XYLT1: variants seen among roughly 807,000 people sequenced by gnomAD.
The protein encoded by XYLT1 is beta-D-xylosyltransferase 1.
XYLT1 carries 36 observed loss-of-function variants against 91.3 expected under a neutral mutation model. That is an observed-to-expected ratio of 0.39 (90% confidence interval 0.30 to 0.52). The LOEUF (loss-of-function observed/expected upper bound fraction) is 0.52, where lower values mean the gene tolerates loss of function less well. XYLT1 is among the 20% of genes least tolerant of loss of function. XYLT1 has a pLI of 0.68. For missense variants in XYLT1, 1,242 were observed against 1,284.5 expected (o/e 0.97, Z 0.51); for synonymous variants, 588 against 532.0 (o/e 1.11, Z -1.45).
chr16:17,191,041 T>C (rs951329983), intron 5 of XYLT1, among the ~76,000 whole-genome samples: 3 of 152,216 alleles, frequency 2.0e-5, no homozygotes, highest in Admixed American at 2.0e-4. Flanking sequence ...TGTTCTGTTT[T>C]GTTTTTTTGT....
chr16:17,379,759 T>TCACA (rs1489816883), intron 1 of XYLT1, among the ~76,000 whole-genome samples: 32 of 117,980 alleles, frequency 2.7e-4, no homozygotes, highest in African/African-American at 8.2e-4. Context: ...TCTCTCTCTC[T>TCACA]CTCTCACACA....
Position 17,237,606 on chromosome 16 carries a change from A to G in XYLT1, c.913+21382T>C, listed in dbSNP as rs573363573. ...GTGGCAAAAGGTCTCTTCCTTCCTG[A>G]GAGACGCAGCGGTGTAATTAGAATC... On this transcript the variant is annotated intron_variant, in intron 3 of 11. Transcript: ENST00000261381. Among the ~76,000 whole-genome samples, 26 of 152,344 alleles carry G rather than the reference A, an allele frequency of 1.7e-4. No homozygotes were observed. The South Asian group carries it at 5.2e-3, about 30-fold the overall frequency.
At chr16:17,269,043 T>C (rs764818919) in intron 2 of XYLT1, among the ~76,000 whole-genome samples, 79 of 152,204 alleles carry the variant, frequency 5.2e-4, no homozygotes, top group Non-Finnish European at 9.7e-4. Flanking sequence ...GGAGGAAGAA[T>C]GACCTGCTGT....
intron 3 of XYLT1, among the ~76,000 whole-genome samples, chr16:17,202,810 G>A (rs1170854731): frequency 1.3e-5 from 2 of 151,050 alleles, no homozygotes; most frequent in African/African-American, 4.9e-5. Flanking sequence ...GGCTATTTTG[G>A]CCTTGTTTAC....
chr16:17,405,612 C>A (rs1291136352), intron 1 of XYLT1, among the ~76,000 whole-genome samples: 1 of 152,182 alleles, frequency 6.6e-6, no homozygotes, highest in Non-Finnish European at 1.5e-5. Context: ...CAGTCTGATG[C>A]AAGAACTGAA....
intron 5 of XYLT1, among the ~76,000 whole-genome samples, chr16:17,171,993 A>T (rs1458982433): frequency 6.6e-6 from 1 of 152,088 alleles, no homozygotes; most frequent in African/African-American, 2.4e-5. Flanking sequence ...GCAGATGACA[A>T]TTTTTCTGAA....
chr16:17,283,808 G>A (rs777436327), intron 2 of XYLT1, among the ~76,000 whole-genome samples: 8 of 152,132 alleles, frequency 5.3e-5, no homozygotes, highest in Non-Finnish European at 1.0e-4. Context: ...ACATAGGGGC[G>A]GGGTGTGATG....
At chr16:17,452,436 C>T (rs553963773) in intron 1 of XYLT1, among the ~76,000 whole-genome samples, 26 of 151,886 alleles carry the variant, frequency 1.7e-4, no homozygotes, top group African/African-American at 6.0e-4. Flanking sequence ...CCATCCCAGC[C>T]TCAATTATTT....
rs1266403580 is a variant in XYLT1, at chr16:17,266,549, G to C, written c.403-7051C>G. 5.3e-5 allele frequency among the ~76,000 whole-genome samples: 8 copies of C among 152,212 alleles called. No homozygotes were observed. The East Asian group carries it at 1.5e-3, about 29-fold the overall frequency. ...AGGAGCCAGGATTTGAACCCAGGCT[G>C]TCTAGGTCTGGAGGTCATGCCTTTC... On this transcript the variant is annotated intron_variant, in intron 2 of 11. Transcript: ENST00000261381.
intron 2 of XYLT1, among the ~76,000 whole-genome samples, chr16:17,336,081 G>A (rs2036543175): frequency 6.6e-6 from 1 of 152,214 alleles, no homozygotes; most frequent in Non-Finnish European, 1.5e-5. Context: ...GGTGTCCCAG[G>A]TGTGTGCACA....
chr16:17,324,502 A>C (rs1596482396), intron 2 of XYLT1, among the ~76,000 whole-genome samples: 1 of 152,242 alleles, frequency 6.6e-6, no homozygotes, highest in Non-Finnish European at 1.5e-5. Flanking sequence ...TAAAACAAAA[A>C]AAGAAGCATT....
chr16:17,297,504 G>A (rs1304010839), intron 2 of XYLT1, among the ~76,000 whole-genome samples: 1 of 152,020 alleles, frequency 6.6e-6, no homozygotes, highest in Non-Finnish European at 1.5e-5. Context: ...CTTGAGGCCA[G>A]CGGTTCAAGA....
intron 1 of XYLT1, chr16:17,403,516 CAA>C (rs1392595552): frequency 2.0e-5 from 3 of 152,234 alleles, no homozygotes; most frequent in Non-Finnish European, 4.4e-5. Flanking sequence ...TGGCAACAAA[CAA>C]GAGAGAATGA....
In XYLT1 at chr16:17,102,859, C is replaced by T. The variant is rs909834027; in HGVS notation, c.*5836G>A. The T allele has an allele frequency of 6.6e-6, 1 of 152,238 alleles. No individual in the cohort carries two copies. The highest frequency in any genetic ancestry group is 2.4e-5 in the African/African-American group (1 of 41,322). The allele number at this position is 152,238 out of a possible 1,614,324, so 9.4% of individuals were successfully genotyped here. A position where few individuals can be genotyped will look rare whatever the true frequency, so the allele number is the denominator to read the frequency against. ...ATAGTTATTTTTAAAAACTATATCACCACATGTCTTTGAAAACAATGAAGG... is the reference window on the plus strand; with the variant it reads ...ATAGTTATTTTTAAAAACTATATCATCACATGTCTTTGAAAACAATGAAGG... On this transcript the variant is annotated 3_prime_UTR_variant, in exon 12 of 12. Coordinates refer to ENST00000261381, the MANE Select transcript of XYLT1 (RefSeq NM_022166.4).
At chr16:17,414,715 T>C (rs1197480979) in intron 1 of XYLT1, among the ~76,000 whole-genome samples, 2 of 152,170 alleles carry the variant, frequency 1.3e-5, no homozygotes, top group Non-Finnish European at 2.9e-5. Context: ...GTTAAGGCTA[T>C]GGAGCCAGGC....
chr16:17,458,303 T>C (rs1261638980), intron 1 of XYLT1, among the ~76,000 whole-genome samples: 1 of 152,222 alleles, frequency 6.6e-6, no homozygotes, highest in Non-Finnish European at 1.5e-5. Context: ...TACTGGCCCA[T>C]TTGGGGACCC....
intron 2 of XYLT1, among the ~76,000 whole-genome samples, chr16:17,342,302 C>A (rs571250617): frequency 6.6e-6 from 1 of 152,326 alleles, no homozygotes; most frequent in African/African-American, 2.4e-5. Context: ...TGCTCAAACA[C>A]TGCTGCATGG....
intron 9 of XYLT1, among the ~76,000 whole-genome samples, chr16:17,131,337 A>AG (rs1567286243): frequency 6.6e-6 from 1 of 152,224 alleles, no homozygotes; most frequent in Non-Finnish European, 1.5e-5. Context: ...ACAACCAATC[A>AG]TCATCTACAG....
intron 3 of XYLT1, among the ~76,000 whole-genome samples, chr16:17,209,320 G>C (rs925199700): frequency 1.3e-5 from 2 of 152,144 alleles, no homozygotes; most frequent in Non-Finnish European, 2.9e-5. Flanking sequence ...CCACGTCGTA[G>C]CCTATGTCAG....
Sources: allele counts gnomAD v4.1 joint callset (sites outside exome capture counted in the v4.1 genomes callset), GRCh38; gene constraint gnomAD v4.1.1; transcripts MANE v1.5; gene names NCBI Gene and HGNC (gene_info 2026-07-23, HGNC 2026-07-21).